The following MPP7 variants were observed in gnomAD, a reference collection of about 807,000 sequenced individuals.
The protein encoded by MPP7 is MAGUK p55 subfamily member 7.
In MPP7, 60 loss-of-function variants were observed where a neutral mutation model predicts 76.5. The observed-to-expected ratio is 0.78, with a 90% CI of 0.64 to 0.97. The LOEUF is 0.97. Among genes scored for constraint, MPP7 ranks in the 50% least tolerant of loss-of-function variants. The pLI is 0.00. For missense variants in MPP7, 641 were observed against 694.0 expected (o/e 0.92, Z 0.86); for synonymous variants, 237 against 244.5 (o/e 0.97, Z 0.29).
intron 12 of MPP7, among the ~76,000 whole-genome samples, chr10:28,080,756 T>C (rs1852723077): frequency 6.6e-6 from 1 of 152,170 alleles, no homozygotes; most frequent in African/African-American, 2.4e-5. Context: ...GAAGATCACA[T>C]TTACCTTTTA....
rs202189346 is a variant in MPP7 at position 28,218,786 on chromosome 10, TA to T, written c.38-16516del. 9.9e-3 allele frequency among the ~76,000 whole-genome samples: 1,503 copies of T among 152,290 alleles called. 25 individuals carry two copies. Among genetic ancestry groups the T allele is most frequent in the East Asian group, 0.065 (337 of 5,190 alleles). On this transcript the variant is annotated intron_variant, in intron 2 of 16. Transcript: ENST00000683449. ...AATTTAAAAACACCAGAATTTTTTT[TA>T]AAAAATAAAACAAACATGTAACTTA...
intron 2 of MPP7, among the ~76,000 whole-genome samples, chr10:28,311,431 AG>A (rs1283566246): frequency 3.9e-5 from 6 of 152,356 alleles, no homozygotes; most frequent in African/African-American, 1.4e-4. Flanking sequence ...TATGTGTTAC[AG>A]TAACATAGTC....
chr10:28,262,772 T>C (rs11006968), intron 1 of MPP7, among the ~76,000 whole-genome samples: 2,065 of 152,194 alleles, frequency 0.014, 17 homozygotes, highest in Non-Finnish European at 0.021. Context: ...AATCTCACAT[T>C]TAGCCGGACG....
intron 12 of MPP7, among the ~76,000 whole-genome samples, chr10:28,082,591 G>T (rs180836684): frequency 6.6e-6 from 1 of 152,090 alleles, no homozygotes; most frequent in Non-Finnish European, 1.5e-5. Context: ...CAAGTAGCTG[G>T]GACTACAGGC....
In MPP7 at chr10:28,118,712, G is replaced by A. The variant is rs149054696; in HGVS notation, c.952+939C>T. On this transcript the variant is annotated intron_variant, in intron 11 of 16. Transcript: ENST00000683449. ...AGGACAAGCAGGCTTTTGAATGAGT[G>A]CTCCACTTTAAGCATTTGCCTGCTT... is the stretch of plus-strand genomic sequence containing the variant. The A allele has an allele frequency of 7.1e-6, 7 of 985,412 alleles. No homozygotes were observed. The East Asian group carries it at 6.8e-4, about 96-fold the overall frequency. 61.0% of individuals were successfully genotyped at this position (985,412 alleles called of 1,614,324 possible).
chr10:28,300,019 G>C (rs543671405), intron 1 of MPP7, among the ~76,000 whole-genome samples: 2 of 151,934 alleles, frequency 1.3e-5, no homozygotes, highest in Non-Finnish European at 2.9e-5. Flanking sequence ...CGCCCGCCTC[G>C]GCCTCCCAAA....
At position 28,238,565 on chromosome 10, in the gene MPP7, T is replaced by C. The variant is rs1433453319; in HGVS notation, c.37+3A>G. On this transcript the variant is annotated splice_donor_region_variant and intron_variant, in intron 2 of 16. Transcript: ENST00000683449. Reference sequence around the variant, plus strand: ...GAGAACTGCCCCTCTTGGGGTCACATACCAGTGTCACTCCCAGATCCCGTT... The same window carrying C: ...GAGAACTGCCCCTCTTGGGGTCACACACCAGTGTCACTCCCAGATCCCGTT... 4.3e-6 allele frequency: 7 copies of C among 1,614,056 alleles called. No individual in the cohort carries two copies. Among genetic ancestry groups the C allele is most frequent in the East Asian group, 2.2e-5 (1 of 44,876 alleles).
chr10:28,208,357 T>C (rs1244798266), intron 2 of MPP7, among the ~76,000 whole-genome samples: 1 of 152,152 alleles, frequency 6.6e-6, no homozygotes, highest in Non-Finnish European at 1.5e-5. Context: ...AGTCCTGGCA[T>C]AGCAGGACTA....
intron 2 of MPP7, among the ~76,000 whole-genome samples, chr10:28,214,915 C>T (rs1838259274): frequency 6.6e-6 from 1 of 152,088 alleles, no homozygotes; most frequent in Non-Finnish European, 1.5e-5. Context: ...CACGTGGCTC[C>T]TGGGGGTAAC....
At chr10:28,294,641 A>G (rs542375053) in intron 1 of MPP7, among the ~76,000 whole-genome samples, 1 of 152,296 alleles carries the variant, frequency 6.6e-6, no homozygotes, top group Admixed American at 6.5e-5. Flanking sequence ...TTTCCCCAGC[A>G]CAGTGCCAGG....
chr10:28,320,624 T>A (rs1271681085), intron 2 of MPP7, among the ~76,000 whole-genome samples: 1 of 152,084 alleles, frequency 6.6e-6, no homozygotes, highest in Non-Finnish European at 1.5e-5. Context: ...GGGGGTCAAC[T>A]TGAAATCACT....
At chr10:28,158,355 T>A (rs1836139463) in intron 3 of MPP7, among the ~76,000 whole-genome samples, 1 of 152,132 alleles carries the variant, frequency 6.6e-6, no homozygotes, top group Admixed American at 6.5e-5. Context: ...AAATATAAAT[T>A]TCATATATAC....
At chr10:28,085,233 C>T (rs1852948541) in intron 12 of MPP7, among the ~76,000 whole-genome samples, 1 of 152,120 alleles carries the variant, frequency 6.6e-6, no homozygotes, top group Admixed American at 6.5e-5. Flanking sequence ...TAACTTAATG[C>T]TTCAGGATCT....
At chr10:28,278,164 G>A (rs1016637942) in intron 1 of MPP7, among the ~76,000 whole-genome samples, 1 of 151,968 alleles carries the variant, frequency 6.6e-6, no homozygotes, top group Non-Finnish European at 1.5e-5. Flanking sequence ...GCTTTTAATA[G>A]CATAACACTT....
intron 10 of MPP7, 25 bp from the exon 11 acceptor site, chr10:28,119,740 C>T (rs1042848466): frequency 6.3e-7 from 1 of 1,599,690 alleles, no homozygotes; most frequent in Non-Finnish European, 8.6e-7. Context: ...GTCAACATAC[C>T]TATCAATTTT....
chr10:28,177,295 A>C (rs376804500), intron 3 of MPP7, among the ~76,000 whole-genome samples: 72 of 148,322 alleles, frequency 4.9e-4, no homozygotes, highest in African/African-American at 1.7e-3. Flanking sequence ...TTAGCCAGGC[A>C]TGGTGGCGCG....
At chr10:28,114,560 A>C (rs777072410) in intron 11 of MPP7, among the ~76,000 whole-genome samples, 1 of 152,168 alleles carries the variant, frequency 6.6e-6, no homozygotes, top group South Asian at 2.1e-4. Flanking sequence ...GTCACTCTGC[A>C]AGGGACATGT....
intron 2 of MPP7, among the ~76,000 whole-genome samples, chr10:28,237,523 T>C (rs1031928000): frequency 6.6e-6 from 1 of 152,150 alleles, no homozygotes; most frequent in Non-Finnish European, 1.5e-5. Flanking sequence ...AATATAACTA[T>C]GGATATGCTT....
chr10:28,124,904 T>C, intron 7 of MPP7, 106 bp downstream of exon 7: 1 of 864,082 alleles, frequency 1.2e-6, no homozygotes, highest in Non-Finnish European at 2.0e-6. Context: ...TATTACTTGT[T>C]CTGCTGTATT....
Sources: allele counts gnomAD v4.1 joint callset (sites outside exome capture counted in the v4.1 genomes callset), GRCh38; gene constraint gnomAD v4.1.1; transcripts MANE v1.5; gene names NCBI Gene and HGNC (gene_info 2026-07-23, HGNC 2026-07-21).